Variants in LYRM4 observed in about 807,000 individuals in gnomAD.
LYRM4 encodes the protein LYR motif-containing protein 4.
A neutral mutation model predicts 11.7 loss-of-function variants in LYRM4; 9 were observed. The observed-to-expected ratio is 0.77, with a 90% CI of 0.46 to 1.34. LYRM4 has a LOEUF of 1.34. Ranked by LOEUF, LYRM4 falls within the 40% of genes most tolerant of loss-of-function variation. LYRM4 has a pLI of 0.00. For synonymous variants in LYRM4, 42 were observed against 40.4 expected (o/e 1.04, Z -0.15); for missense variants, 133 against 112.5 (o/e 1.18, Z -0.82).
the LYRM4 span, among the ~76,000 whole-genome samples, chr6:5,065,038 C>T: frequency 6.6e-6 from 1 of 152,182 alleles, no homozygotes; most frequent in African/African-American, 2.4e-5. Context: ...TCATCCCTCT[C>T]TACCCTAAAC....
At chr6:5,051,015 A>G in the LYRM4 span, among the ~76,000 whole-genome samples, 1 of 152,234 alleles carries the variant, frequency 6.6e-6, no homozygotes, top group Non-Finnish European at 1.5e-5. Flanking sequence ...AGGAGCTAAA[A>G]AGTACAATAA....
the LYRM4 span, among the ~76,000 whole-genome samples, chr6:5,074,247 C>T: frequency 1.3e-5 from 2 of 152,136 alleles, no homozygotes; most frequent in African/African-American, 4.8e-5. Flanking sequence ...GGCACTGAAG[C>T]TTCAGTAGTT....
downstream of LYRM4, chr6:5,102,974 T>C (rs117573672): frequency 3.1e-4 from 47 of 152,312 alleles, no homozygotes; most frequent in East Asian, 8.9e-3. Flanking sequence ...ACTCTGCCCT[T>C]GAGCAAAAGC....
chr6:5,099,406 T>TATCTATCTATCG (rs1762434955), downstream of LYRM4, among the ~76,000 whole-genome samples: 1 of 151,570 alleles, frequency 6.6e-6, no homozygotes, highest in African/African-American at 2.4e-5. The surrounding 1 kb of genome is among the most constrained non-coding windows in gnomAD (Gnocchi z 4.3). Context: ...TCTATCTATC[T>TATCTATCTATCG]ATCTATCTAT....
chr6:5,092,994 G>A, the LYRM4 span, among the ~76,000 whole-genome samples: 3 of 152,340 alleles, frequency 2.0e-5, no homozygotes, highest in Admixed American at 1.3e-4. Flanking sequence ...CGATATCTGT[G>A]AATATACTTG....
the LYRM4 span, among the ~76,000 whole-genome samples, chr6:5,096,783 G>T: frequency 2.0e-5 from 3 of 152,170 alleles, no homozygotes; most frequent in Non-Finnish European, 4.4e-5. Context: ...GCAAGCCGTT[G>T]GTCTCAACAT....
chr6:5,089,490 T>C, the LYRM4 span: 1 of 152,236 alleles, frequency 6.6e-6, no homozygotes, highest in East Asian at 1.9e-4. Flanking sequence ...CAAACAGAGA[T>C]CTTTGTGTCT....
the LYRM4 span, chr6:5,043,337 T>C: frequency 6.6e-6 from 1 of 152,154 alleles, no homozygotes; most frequent in Non-Finnish European, 1.5e-5. Context: ...ATCTATTTCG[T>C]CTGCTAATGC....
intron 1 of LYRM4, among the ~76,000 whole-genome samples, chr6:5,240,908 A>C (rs1763838470): frequency 6.6e-6 from 1 of 152,218 alleles, no homozygotes; most frequent in Non-Finnish European, 1.5e-5. Context: ...TTACATAAAG[A>C]AGCACATCCA....
chr6:5,203,379 T>C (rs1378815687), intron 2 of LYRM4, among the ~76,000 whole-genome samples: 1 of 152,228 alleles, frequency 6.6e-6, no homozygotes, highest in Non-Finnish European at 1.5e-5. Context: ...GTAGGCCTCC[T>C]AATGGCTCCT....
At chr6:5,115,862 T>G (rs1763096136) in intron 2 of LYRM4, among the ~76,000 whole-genome samples, 1 of 152,150 alleles carries the variant, frequency 6.6e-6, no homozygotes, top group African/African-American at 2.4e-5. Context: ...GAGATGCGTG[T>G]CTGTCTGATA....
rs70974178 is a variant in LYRM4, at chr6:5,206,514, G to GA, written c.207+10103dup. Among the ~76,000 whole-genome samples, 1,477 of 152,306 alleles carry GA rather than the reference G, an allele frequency of 9.7e-3. 28 individuals carry two copies. The highest frequency in any genetic ancestry group is 0.032 in the African/African-American group (1,342 of 41,562). On this transcript the variant is annotated intron_variant, in intron 2 of 2. Transcript: ENST00000330636. ...GGTTGTAACAATAGAGCCAATTCCT[G>GA]AAAAAATTCTTGTGCTATAAGGGAT...
chr6:5,036,692 GCTGGA>G, the LYRM4 span, among the ~76,000 whole-genome samples: 1 of 152,212 alleles, frequency 6.6e-6, no homozygotes, highest in Non-Finnish European at 1.5e-5. Flanking sequence ...TCTCCTTCCT[GCTGGA>G]CTGAGATCTT....
At chr6:5,225,477 T>C (rs558570398) in intron 1 of LYRM4, among the ~76,000 whole-genome samples, 1 of 152,316 alleles carries the variant, frequency 6.6e-6, no homozygotes, top group African/African-American at 2.4e-5. Flanking sequence ...ATTCTAAACA[T>C]ACTGTAGGCT....
chr6:5,226,004 C>T (rs565333271), intron 1 of LYRM4, among the ~76,000 whole-genome samples: 4 of 152,132 alleles, frequency 2.6e-5, no homozygotes, highest in African/African-American at 9.7e-5. Flanking sequence ...TTTTCTTAAT[C>T]GAGTGGTCTT....
the LYRM4 span, among the ~76,000 whole-genome samples, chr6:5,049,616 T>A: frequency 6.6e-6 from 1 of 152,132 alleles, no homozygotes; most frequent in Non-Finnish European, 1.5e-5. Context: ...GTACATAGCC[T>A]CCTTGAGTGA....
At chr6:5,101,571 G>A (rs1308900547), downstream of LYRM4, among the ~76,000 whole-genome samples, 2 of 152,192 alleles carry the variant, frequency 1.3e-5, no homozygotes, top group South Asian at 2.1e-4. Context: ...GAAGATGAAG[G>A]AATGAATGAC....
chr6:5,055,980 C>T, the LYRM4 span, among the ~76,000 whole-genome samples: 6 of 150,416 alleles, frequency 4.0e-5, no homozygotes, highest in Middle Eastern at 3.4e-3. This position sits in a 1 kb window ranked among gnomAD's most constrained non-coding sequence, Gnocchi z 4.5. Flanking sequence ...TTCTTTCTCT[C>T]TCTTTCTTTC....
At chr6:5,085,435 T>C in the LYRM4 span, 1 of 1,358,506 alleles carries the variant, frequency 7.4e-7, no homozygotes, top group South Asian at 1.3e-5. Flanking sequence ...GTTAGTTAAG[T>C]CTCCAGAGGG....
Sources: allele counts gnomAD v4.1 joint callset (sites outside exome capture counted in the v4.1 genomes callset), GRCh38; gene constraint gnomAD v4.1.1; non-coding constraint Gnocchi (gnomAD v3.1); transcripts MANE v1.5; gene names NCBI Gene and HGNC (gene_info 2026-07-23, HGNC 2026-07-21).